The following MID2 variants were observed in gnomAD, a reference collection of about 807,000 sequenced individuals.
MID2 encodes the protein midline 2, also known as probable E3 ubiquitin-protein ligase MID2.
Under a neutral mutation model 46.1 loss-of-function variants are expected in MID2, and 13 were observed. The observed-to-expected ratio is 0.28, with a 90% CI of 0.18 to 0.45. The LOEUF (loss-of-function observed/expected upper bound fraction) is 0.45. Ranked by LOEUF, MID2 falls within the 20% of genes least tolerant of loss-of-function variation. The probability of loss-of-function intolerance (pLI) is 1.00; values close to 1 mark genes in which losing one functional copy is unlikely to be tolerated. For missense variants in MID2, 431 were observed against 575.4 expected, an observed-to-expected ratio of 0.75 and a Z score of 2.57; for synonymous variants, 199 against 212.3, an observed-to-expected ratio of 0.94 and a Z score of 0.55.
At chrX:107,889,414 A>C in intron 3 of MID2, among the ~76,000 whole-genome samples, 1 of 111,671 alleles carries the variant, frequency 9.0e-6, no homozygotes, top group South Asian at 3.8e-4. Context: ...TTCTGGGTTG[A>C]AAATTCTTTT....
At chrX:107,891,896 G>T (rs373765876) in intron 3 of MID2, among the ~76,000 whole-genome samples, 2 of 111,089 alleles carry the variant, frequency 1.8e-5, no homozygotes, top group African/African-American at 6.6e-5. Flanking sequence ...TTCTTCTGTT[G>T]GGCTGGAATC....
chrX:107,848,692 T>C (rs1026655215), intron 2 of MID2, among the ~76,000 whole-genome samples: 2 of 111,847 alleles, frequency 1.8e-5, no homozygotes, highest in Non-Finnish European at 3.8e-5. Context: ...AATAAATGTT[T>C]GGGGAAAGAA....
intron 7 of MID2, among the ~76,000 whole-genome samples, chrX:107,923,049 T>G (rs1933101224): frequency 8.9e-6 from 1 of 112,277 alleles, no homozygotes; most frequent in Non-Finnish European, 1.9e-5. Flanking sequence ...CTCTTTCTCC[T>G]GCATATCTGT....
chrX:107,923,089 T>C (rs995325076), intron 7 of MID2, among the ~76,000 whole-genome samples: 1 of 112,207 alleles, frequency 8.9e-6, no homozygotes, highest in African/African-American at 3.2e-5. Flanking sequence ...TTACTAGTTT[T>C]AACTTAGGCT....
intron 3 of MID2, among the ~76,000 whole-genome samples, chrX:107,870,508 A>G (rs1282920612): frequency 9.0e-6 from 1 of 111,504 alleles, no homozygotes; most frequent in African/African-American, 3.3e-5. Context: ...TAAAGTTATT[A>G]GATTCTTGAG....
chrX:107,855,641 C>A (rs1398652246), intron 3 of MID2, among the ~76,000 whole-genome samples: 2 of 112,203 alleles, frequency 1.8e-5, no homozygotes, highest in African/African-American at 6.5e-5. Context: ...AAGATCTCAT[C>A]TCTTAATCCA....
chrX:107,892,003 C>A (rs1932616743), intron 3 of MID2, among the ~76,000 whole-genome samples: 1 of 111,792 alleles, frequency 8.9e-6, no homozygotes, highest in African/African-American at 3.3e-5. Flanking sequence ...TAACAATGCC[C>A]TTTTCGACCT....
chrX:107,887,195 T>C (rs1372366794), intron 3 of MID2, among the ~76,000 whole-genome samples: 1 of 111,940 alleles, frequency 8.9e-6, no homozygotes. Context: ...CATCCCTGTC[T>C]TGTGCCAGTT....
intron 6 of MID2, among the ~76,000 whole-genome samples, 193 bp downstream of exon 6, chrX:107,916,322 C>A (rs974676234): frequency 2.7e-5 from 3 of 112,181 alleles, no homozygotes; most frequent in Non-Finnish European, 5.6e-5. Context: ...GATTTGTTAA[C>A]TATTTCTAGG....
intron 2 of MID2, 73 bp from the exon 3 acceptor site, chrX:107,854,536 G>T (rs1015249836): frequency 1.4e-6 from 1 of 734,464 alleles, no homozygotes; most frequent in African/African-American, 2.1e-5. Context: ...ACATGACATT[G>T]GTTCTCAAGC....
chrX:107,826,672 C>T (rs921547674), intron 1 of MID2, among the ~76,000 whole-genome samples: 10 of 113,003 alleles, frequency 8.8e-5, no homozygotes, highest in African/African-American at 3.2e-4. Context: ...CCTCCTGGGA[C>T]GGAGTTTGCA....
intron 3 of MID2, among the ~76,000 whole-genome samples, chrX:107,899,735 G>A (rs1932780172): frequency 9.2e-6 from 1 of 109,056 alleles, no homozygotes. Flanking sequence ...TTTTCAAGGA[G>A]GATAGATTTT....
At chrX:107,889,085 CTG>C (rs2147853959) in intron 3 of MID2, among the ~76,000 whole-genome samples, 1 of 111,250 alleles carries the variant, frequency 9.0e-6, no homozygotes, top group African/African-American at 3.3e-5. Context: ...ATTTGCCAGT[CTG>C]TGTCTTTTAA....
intron 3 of MID2, among the ~76,000 whole-genome samples, chrX:107,900,283 G>GATT (rs1602495590): frequency 1.8e-5 from 2 of 111,028 alleles, no homozygotes; most frequent in African/African-American, 6.5e-5. Context: ...TTCTTATTTT[G>GATT]ATTTTTTTAC....
intron 2 of MID2, among the ~76,000 whole-genome samples, chrX:107,851,439 A>G (rs1931611075): frequency 9.0e-6 from 1 of 111,130 alleles, no homozygotes; most frequent in Non-Finnish European, 1.9e-5. Flanking sequence ...CCTGAAACAC[A>G]TTTCTTTCAA....
chrX:107,846,145 G>T (rs1172654819), intron 2 of MID2, among the ~76,000 whole-genome samples: 1 of 111,176 alleles, frequency 9.0e-6, no homozygotes. Flanking sequence ...ACCCTAGGGA[G>T]TGTTAGAGCC....
intron 7 of MID2, among the ~76,000 whole-genome samples, chrX:107,920,334 T>C (rs146481924): frequency 1.4e-3 from 160 of 112,390 alleles, no homozygotes; most frequent in African/African-American, 4.7e-3. Context: ...CTTCTAAGAT[T>C]TGAAATGATC....
At chrX:107,854,282 G>A (rs1231702741) in intron 2 of MID2, among the ~76,000 whole-genome samples, 1 of 111,924 alleles carries the variant, frequency 8.9e-6, no homozygotes, top group East Asian at 2.8e-4. Flanking sequence ...TATGCTGTGG[G>A]ATTACTATGA....
At chrX:107,920,477 A>G (rs1366229111) in intron 7 of MID2, among the ~76,000 whole-genome samples, 2 of 112,254 alleles carry the variant, frequency 1.8e-5, no homozygotes, top group Non-Finnish European at 3.8e-5. Context: ...CAAAAGCATT[A>G]GCCGTAAACT....
Sources: allele counts gnomAD v4.1 joint callset (sites outside exome capture counted in the v4.1 genomes callset), GRCh38; gene constraint gnomAD v4.1.1; transcripts MANE v1.5; gene names NCBI Gene and HGNC (gene_info 2026-07-23, HGNC 2026-07-21).